Variants in EFHC2 observed in about 807,000 individuals in gnomAD.
EFHC2 encodes EF-hand domain-containing family member C2.
In EFHC2, 18 loss-of-function variants were observed where a neutral mutation model predicts 52.7. That is an observed-to-expected ratio of 0.34 (90% CI 0.24 to 0.51). The LOEUF is 0.51. Ranked by LOEUF, EFHC2 falls within the 20% of genes least tolerant of loss-of-function variation. The pLI is 0.97. For synonymous variants in EFHC2, 203 were observed against 204.1 expected (o/e 0.99, Z 0.04); for missense variants, 513 against 562.5 (o/e 0.91, Z 0.89).
intron 1 of EFHC2, among the ~76,000 whole-genome samples, chrX:44,322,495 G>C (rs2038027601): frequency 8.9e-6 from 1 of 111,904 alleles, no homozygotes; most frequent in African/African-American, 3.2e-5. Flanking sequence ...AGCAGCACCA[G>C]GGAGTAATAG....
chrX:44,207,248 A>G (rs1427026510), intron 11 of EFHC2, among the ~76,000 whole-genome samples: 4 of 112,031 alleles, frequency 3.6e-5, no homozygotes, highest in Non-Finnish European at 7.5e-5. Flanking sequence ...TCAGTGGCTC[A>G]CTCCTATAAT....
intron 3 of EFHC2, among the ~76,000 whole-genome samples, chrX:44,261,672 C>T (rs1349477830): frequency 9.5e-6 from 1 of 105,468 alleles, no homozygotes; most frequent in Non-Finnish European, 1.9e-5. Context: ...CATTCAGCCA[C>T]CAGCAAGCAC....
chrX:44,191,921 C>T (rs1415806600), intron 11 of EFHC2, among the ~76,000 whole-genome samples: 3 of 111,262 alleles, frequency 2.7e-5, no homozygotes, highest in Non-Finnish European at 3.8e-5. Flanking sequence ...AGGAATTTTG[C>T]CCTTAGTCTC....
chrX:44,180,660 A>G (rs2036826829), intron 11 of EFHC2, among the ~76,000 whole-genome samples: 1 of 109,782 alleles, frequency 9.1e-6, no homozygotes, highest in African/African-American at 3.3e-5. Context: ...AATCACTTGA[A>G]CCCAACAGGC....
intron 2 of EFHC2, among the ~76,000 whole-genome samples, chrX:44,281,022 T>C (rs1461047300): frequency 9.0e-6 from 1 of 110,977 alleles, no homozygotes; most frequent in Admixed American, 9.6e-5. Flanking sequence ...CGGGTTCAAG[T>C]GATTCTCCTG....
At chrX:44,216,073 A>C (rs1411380083) in intron 11 of EFHC2, among the ~76,000 whole-genome samples, 1 of 112,408 alleles carries the variant, frequency 8.9e-6, no homozygotes, top group Non-Finnish European at 1.9e-5. Flanking sequence ...ATAACCAAAA[A>C]TTAAATACTT....
At chrX:44,173,567 G>A (rs1602134240) in intron 13 of EFHC2, among the ~76,000 whole-genome samples, 2 of 111,620 alleles carry the variant, frequency 1.8e-5, no homozygotes, top group East Asian at 5.6e-4. Context: ...AGAGGGGAAT[G>A]GGAATGAGAC....
rs749700314 is a variant in EFHC2 at position 44,182,792 on chromosome X, T to C, written c.1752-4228A>G. On this transcript the variant is annotated intron_variant, in intron 11 of 14. Transcript: ENST00000420999. ...AAGTTACCTTTGCCTTTAGCCAACATTGCACTACATTCCTGGCACTAATAT... is the reference window on the plus strand; with the variant it reads ...AAGTTACCTTTGCCTTTAGCCAACACTGCACTACATTCCTGGCACTAATAT... Among the ~76,000 whole-genome samples the C allele has an allele frequency of 3.6e-5, 4 of 112,114 alleles. No individual in the cohort carries two copies. In the South Asian group the frequency reaches 1.1e-3, roughly 31 times the overall value.
intron 2 of EFHC2, among the ~76,000 whole-genome samples, chrX:44,308,843 G>C (rs1474479092): frequency 8.9e-6 from 1 of 112,870 alleles, no homozygotes; most frequent in Non-Finnish European, 1.9e-5. Context: ...TTAGTGGTCA[G>C]GAGAATGCTT....
intron 13 of EFHC2, among the ~76,000 whole-genome samples, chrX:44,168,400 T>C (rs1463082785): frequency 3.6e-5 from 4 of 110,668 alleles, no homozygotes; most frequent in East Asian, 2.8e-4. Flanking sequence ...GGCGTGTTGG[T>C]GGGCACCTGT....
rs750992793 is a variant in EFHC2, at chrX:44,242,201, T to C, written c.1200A>G (p.Glu400=). ...CTATGCAGTTACGGAGAGAATCCTC[T>C]TCAGAACCAAAACCGTTGTAAGGTG... The part of the protein sequence containing the change: ...KFPPYNGFGS[E]EDSLRNCIDL... The change falls in exon 8 of 15, where the codon GAA becomes GAG. Residue 400 remains glutamate (E), a synonymous_variant. Transcript: ENST00000420999. 2.5e-6 allele frequency: 3 copies of C among 1,207,018 alleles called. No homozygotes were observed. The African/African-American group carries it at 5.3e-5, about 21-fold the overall frequency.
At chrX:44,295,890 C>T (rs1481115405) in intron 2 of EFHC2, among the ~76,000 whole-genome samples, 1 of 111,602 alleles carries the variant, frequency 9.0e-6, no homozygotes, top group Non-Finnish European at 1.9e-5. Flanking sequence ...AAAGAAAAGG[C>T]CCAGCAACTA....
chrX:44,212,795 T>C (rs1160348405), intron 11 of EFHC2, among the ~76,000 whole-genome samples: 1 of 111,073 alleles, frequency 9.0e-6, no homozygotes, highest in Non-Finnish European at 1.9e-5. Flanking sequence ...CACTACAACC[T>C]CTGCCTCCTG....
chrX:44,157,021 AGGCTACAGGCCATT>A (rs770072168), intron 14 of EFHC2, among the ~76,000 whole-genome samples: 38 of 112,397 alleles, frequency 3.4e-4, no homozygotes, highest in African/African-American at 1.2e-3. Flanking sequence ...ATGAGAATCC[AGGCTACAGGCCATT>A]GGCTACAGGC....
chrX:44,237,999 A>G (rs749163166), intron 8 of EFHC2, among the ~76,000 whole-genome samples: 5 of 111,393 alleles, frequency 4.5e-5, no homozygotes, highest in Non-Finnish European at 9.4e-5. Flanking sequence ...ACATTCACCT[A>G]TCTTCTGAAC....
intron 2 of EFHC2, among the ~76,000 whole-genome samples, chrX:44,281,980 A>C (rs2037705261): frequency 9.0e-6 from 1 of 111,354 alleles, no homozygotes; most frequent in African/African-American, 3.3e-5. Flanking sequence ...AAGTTAGTAC[A>C]ATTTTCTGCG....
At chrX:44,211,568 TAAA>T (rs2037096056) in intron 11 of EFHC2, among the ~76,000 whole-genome samples, 1 of 98,504 alleles carries the variant, frequency 1.0e-5, no homozygotes, top group African/African-American at 3.8e-5. Context: ...AAAGAAAAAA[TAAA>T]AAAAGATTGG....
chrX:44,257,928 A>G (rs1250605496), intron 4 of EFHC2, among the ~76,000 whole-genome samples: 1 of 112,221 alleles, frequency 8.9e-6, no homozygotes, highest in Admixed American at 9.4e-5. Flanking sequence ...TACTGGTACC[A>G]AAACAGAGAT....
chrX:44,241,826 C>T (rs1212747423), intron 8 of EFHC2, among the ~76,000 whole-genome samples: 1 of 112,165 alleles, frequency 8.9e-6, no homozygotes. Flanking sequence ...TTAACTCCTA[C>T]TCTACATCTT....
Sources: allele counts gnomAD v4.1 joint callset (sites outside exome capture counted in the v4.1 genomes callset), GRCh38; gene constraint gnomAD v4.1.1; transcripts MANE v1.5; gene names NCBI Gene and HGNC (gene_info 2026-07-23, HGNC 2026-07-21).